Variants in SCHIP1 observed in about 807,000 individuals in gnomAD.
The protein encoded by SCHIP1 is schwannomin-interacting protein 1.
SCHIP1 carries 8 observed loss-of-function variants against 29.7 expected under a neutral mutation model. The ratio of observed to expected loss-of-function variants is 0.27; its 90% CI spans 0.16 to 0.49. The LOEUF (loss-of-function observed/expected upper bound fraction) is 0.49. SCHIP1 is among the 20% of genes least tolerant of loss of function. The probability of loss-of-function intolerance (pLI) is 0.99; values close to 1 mark genes in which losing one functional copy is unlikely to be tolerated. For synonymous variants in SCHIP1, 76 were observed against 94.9 expected (o/e 0.80, Z 1.16); for missense variants, 193 against 294.6 (o/e 0.66, Z 2.52).
the SCHIP1 span, chr3:159,765,000 A>C: frequency 6.5e-7 from 1 of 1,530,548 alleles, no homozygotes; most frequent in Non-Finnish European, 8.8e-7. The surrounding 1 kb of genome is among the most constrained non-coding windows in gnomAD (Gnocchi z 6.1). Context: ...TTCAGCCCCC[A>C]GACGGCGGGA....
chr3:159,592,160 A>G, the SCHIP1 span, among the ~76,000 whole-genome samples: 4 of 152,054 alleles, frequency 2.6e-5, no homozygotes, highest in Non-Finnish European at 4.4e-5. Flanking sequence ...GTTGCCTTGT[A>G]TGGGTTCTAC....
the SCHIP1 span, among the ~76,000 whole-genome samples, chr3:159,763,289 G>A: frequency 6.6e-6 from 1 of 151,998 alleles, no homozygotes. Flanking sequence ...TTGTGTATGT[G>A]CGTGTGTGAG....
the SCHIP1 span, among the ~76,000 whole-genome samples, chr3:159,493,000 T>A: frequency 9.9e-5 from 15 of 152,184 alleles, no homozygotes; most frequent in African/African-American, 3.1e-4. Context: ...CCAGCCAAAC[T>A]AAGCTTCATA....
the SCHIP1 span, among the ~76,000 whole-genome samples, chr3:159,706,194 C>T: frequency 6.6e-6 from 1 of 152,258 alleles, no homozygotes; most frequent in South Asian, 2.1e-4. Context: ...AGCCTAAGAA[C>T]ATTCACCTGT....
At chr3:159,554,770 G>A in the SCHIP1 span, among the ~76,000 whole-genome samples, 1 of 151,702 alleles carries the variant, frequency 6.6e-6, no homozygotes, top group Non-Finnish European at 1.5e-5. Flanking sequence ...CTCATCTCTG[G>A]GCTGCCTTGT....
At chr3:159,427,028 C>T in the SCHIP1 span, among the ~76,000 whole-genome samples, 104 of 152,228 alleles carry the variant, frequency 6.8e-4, no homozygotes, top group African/African-American at 2.2e-3. Context: ...ATTGATGGGA[C>T]GTATCTCAAA....
the SCHIP1 span, among the ~76,000 whole-genome samples, chr3:159,645,474 A>G: frequency 6.6e-6 from 1 of 152,172 alleles, no homozygotes; most frequent in African/African-American, 2.4e-5. Flanking sequence ...CTCTCAGAAT[A>G]AATTCCATTT....
At chr3:159,721,293 C>A in the SCHIP1 span, among the ~76,000 whole-genome samples, 2 of 152,120 alleles carry the variant, frequency 1.3e-5, no homozygotes, top group African/African-American at 4.8e-5. Context: ...GGATTTAGGG[C>A]CCACAAGAAT....
At chr3:159,863,785 G>A (rs1714314319) in intron 1 of SCHIP1, among the ~76,000 whole-genome samples, 1 of 152,298 alleles carries the variant, frequency 6.6e-6, no homozygotes, top group East Asian at 1.9e-4. Flanking sequence ...TCTTTAAACT[G>A]TTAGTGAAGT....
the SCHIP1 span, among the ~76,000 whole-genome samples, chr3:159,810,385 G>A: frequency 6.6e-6 from 1 of 152,128 alleles, no homozygotes; most frequent in Non-Finnish European, 1.5e-5. Context: ...TTTTTAGTAA[G>A]CATAGTTTTG....
chr3:159,303,379 T>C, the SCHIP1 span, among the ~76,000 whole-genome samples: 1 of 151,858 alleles, frequency 6.6e-6, no homozygotes, highest in African/African-American at 2.4e-5. Context: ...GGAGTAAGTT[T>C]TAGGGAAAAG....
At chr3:159,646,037 C>G in the SCHIP1 span, among the ~76,000 whole-genome samples, 13 of 152,162 alleles carry the variant, frequency 8.5e-5, no homozygotes, top group African/African-American at 2.6e-4. Context: ...AAAAATTGCT[C>G]CCAGGGGAGA....
At chr3:159,560,094 T>C in the SCHIP1 span, among the ~76,000 whole-genome samples, 1 of 152,240 alleles carries the variant, frequency 6.6e-6, no homozygotes, top group Non-Finnish European at 1.5e-5. Flanking sequence ...TTTCTGAATA[T>C]AGTCATGTGA....
chr3:159,828,846 T>C, the SCHIP1 span, among the ~76,000 whole-genome samples: 1 of 152,208 alleles, frequency 6.6e-6, no homozygotes, highest in East Asian at 1.9e-4. Flanking sequence ...ATGACCCTTA[T>C]TCCCCTACAC....
chr3:159,413,662 A>G, the SCHIP1 span, among the ~76,000 whole-genome samples: 1 of 152,170 alleles, frequency 6.6e-6, no homozygotes, highest in Non-Finnish European at 1.5e-5. Context: ...CATGAAAATT[A>G]TATCCCCTCT....
chr3:159,757,365 A>C, the SCHIP1 span, among the ~76,000 whole-genome samples: 1 of 152,142 alleles, frequency 6.6e-6, no homozygotes, highest in African/African-American at 2.4e-5. Flanking sequence ...ATCTCATGAG[A>C]CCTATTCACT....
At chr3:159,618,726 T>C in the SCHIP1 span, among the ~76,000 whole-genome samples, 3 of 150,266 alleles carry the variant, frequency 2.0e-5, no homozygotes, top group Non-Finnish European at 4.4e-5. Context: ...GTTTTCCGTA[T>C]AGAGTTGGGG....
chr3:159,796,194 T>C, the SCHIP1 span, among the ~76,000 whole-genome samples: 1 of 152,120 alleles, frequency 6.6e-6, no homozygotes, highest in Admixed American at 6.5e-5. Context: ...TGGGGAGTGG[T>C]GTCTGATGGT....
At chr3:159,490,001 C>T in the SCHIP1 span, among the ~76,000 whole-genome samples, 1 of 152,074 alleles carries the variant, frequency 6.6e-6, no homozygotes, top group Non-Finnish European at 1.5e-5. Context: ...TGAAGAAGGT[C>T]CTCAGCATTT....
Sources: gnomAD v4.1 joint callset for allele counts (sites outside exome capture counted in the v4.1 genomes callset) on GRCh38, gnomAD v4.1.1 for gene constraint, Gnocchi (gnomAD v3.1) non-coding constraint, MANE v1.5 for transcripts, NCBI Gene and HGNC (gene_info 2026-07-23, HGNC 2026-07-21) for gene names.